CCNB3: variants seen among roughly 807,000 people sequenced by gnomAD.
The protein encoded by CCNB3 is G2/mitotic-specific cyclin-B3.
In CCNB3, 12 loss-of-function variants were observed where a neutral mutation model predicts 68.0. The ratio of observed to expected loss-of-function variants is 0.18; its 90% CI spans 0.11 to 0.29. CCNB3 has a LOEUF of 0.29. Ranked by LOEUF, CCNB3 falls within the 10% of genes least tolerant of loss-of-function variation. The pLI, the probability that CCNB3 is intolerant of heterozygous loss-of-function variation, is 1.00. For missense variants in CCNB3, 904 were observed against 993.1 expected, an observed-to-expected ratio of 0.91 and a Z score of 1.21; for synonymous variants, 354 against 388.9, an observed-to-expected ratio of 0.91 and a Z score of 1.06.
chrX:50,314,122 G>A (rs1047437512), intron 8 of CCNB3, among the ~76,000 whole-genome samples, 174 bp downstream of exon 8: 11 of 112,455 alleles, frequency 9.8e-5, no homozygotes, highest in African/African-American at 3.2e-4. Flanking sequence ...ACAAATAAGT[G>A]TAATACAAAG....
chrX:50,333,849 T>C (rs1238363407), intron 8 of CCNB3, among the ~76,000 whole-genome samples: 1 of 111,300 alleles, frequency 9.0e-6, no homozygotes, highest in Non-Finnish European at 1.9e-5. Flanking sequence ...CTCGCTGGTG[T>C]CCCCTGCAGT....
intron 1 of CCNB3, among the ~76,000 whole-genome samples, chrX:50,205,681 C>T (rs1935345518): frequency 9.1e-6 from 1 of 109,920 alleles, no homozygotes; most frequent in Non-Finnish European, 1.9e-5. Context: ...AATAGCCAGG[C>T]GCAGTGGCTC....
intron 1 of CCNB3, among the ~76,000 whole-genome samples, chrX:50,210,371 A>T (rs1349272069): frequency 1.8e-5 from 2 of 112,225 alleles, no homozygotes; most frequent in African/African-American, 6.5e-5. Flanking sequence ...TGTTTAAAAA[A>T]TTTTGGAAAA....
rs1483285748 is a variant in CCNB3, at chrX:50,351,784, C to T, written c.*81C>T. 1.4e-6 allele frequency: 1 copy of T among 690,220 alleles called. No individual in the cohort carries two copies. The allele number at this position is 690,220 out of a possible 1,213,427, so 56.9% of individuals were successfully genotyped here. On this transcript the variant is annotated 3_prime_UTR_variant, in exon 13 of 13. Transcript: ENST00000376042. ...AATTTGTCTTTTGATCGCTTTTATT[C>T]ATTTTTCCTTTCTTTGTCTTTTCCC...
chrX:50,284,700 C>G (rs1294190011), intron 2 of CCNB3, 84 bp downstream of exon 2: 1 of 126,382 alleles, frequency 7.9e-6, no homozygotes, highest in Non-Finnish European at 1.6e-5. Flanking sequence ...GCTCTACCAG[C>G]TTGCCTCCAT....
chrX:50,290,735 C>G (rs923769204), intron 4 of CCNB3, among the ~76,000 whole-genome samples: 18 of 111,315 alleles, frequency 1.6e-4, no homozygotes, highest in Non-Finnish European at 3.0e-4. Flanking sequence ...GGCCATATCC[C>G]CATGGGGTTA....
rs782316175 is a variant in CCNB3 at position 50,301,892 on chromosome X, T to C, written c.336-6613T>C. Among the ~76,000 whole-genome samples the C allele has an allele frequency of 5.9e-3, 661 of 112,606 alleles. 7 individuals carry two copies. Among genetic ancestry groups the C allele is most frequent in the African/African-American group, 0.02 (619 of 31,041 alleles). On this transcript the variant is annotated intron_variant, in intron 5 of 12. Transcript: ENST00000376042. ...GCAGTTTGATCTCAGACTGCTGTGC[T>C]AGCAATAAGCGAGGCTCTGTGGGCA...
At chrX:50,214,475 CATATAT>C (rs1184201216) in intron 1 of CCNB3, among the ~76,000 whole-genome samples, 231 of 9,488 alleles carry the variant, frequency 0.024, 20 homozygotes, top group East Asian at 0.1. Flanking sequence ...AGCTGTGGCC[CATATAT>C]ATATATATAT....
intron 1 of CCNB3, among the ~76,000 whole-genome samples, chrX:50,228,250 A>AATAC (rs1386436560): frequency 0.11 from 10,056 of 89,169 alleles, 1,487 homozygotes; most frequent in African/African-American, 0.39. Flanking sequence ...AATATATATA[A>AATAC]ATACATAGAA....
chrX:50,279,335 GAA>G (rs1157576955), intron 1 of CCNB3, among the ~76,000 whole-genome samples: 11 of 68,646 alleles, frequency 1.6e-4, no homozygotes, highest in Non-Finnish European at 2.5e-4. Context: ...AAATATATAT[GAA>G]TATATATATG....
At position 50,309,038 on chromosome X, in the gene CCNB3, G is replaced by A. The variant is rs1557214039; in HGVS notation, c.869G>A (p.Cys290Tyr). ...THKLSSLKKKCTIYGKICHFR... is the reference protein window; with the variant it reads ...THKLSSLKKKYTIYGKICHFR... ...AAGTTATCATCTTTAAAGAAGAAAT[G>A]TACCATTTATGGGAAGATATGCCAC... Residue 290 changes from cysteine to tyrosine, a missense_variant, in exon 6 of 13, where the codon TGT becomes TAT. By Grantham distance (194) the Cys-to-Tyr change is radical. Coordinates refer to ENST00000376042, the MANE Select transcript of CCNB3 (RefSeq NM_033031.3). The A allele has an allele frequency of 2.5e-6, 3 of 1,211,121 alleles. No individual in the cohort carries two copies. Among genetic ancestry groups the A allele is most frequent in the Admixed American group, 4.3e-5 (2 of 45,986 alleles).
chrX:50,320,657 A>G (rs1921967681), intron 8 of CCNB3, among the ~76,000 whole-genome samples: 1 of 110,123 alleles, frequency 9.1e-6, no homozygotes, highest in Non-Finnish European at 1.9e-5. Context: ...CTTCTTGCTT[A>G]TGGTTTAATT....
At position 50,347,618 on chromosome X, in the gene CCNB3, G is replaced by A. The variant is rs782471014; in HGVS notation, c.3811-8G>A. 2 of 1,202,764 alleles carry A rather than the reference G, an allele frequency of 1.7e-6. No homozygotes were observed. The highest frequency in any genetic ancestry group is 5.9e-5 in the East Asian group (2 of 33,620). On this transcript the variant is annotated splice_polypyrimidine_tract_variant and splice_region_variant and intron_variant, in intron 10 of 12. Transcript: ENST00000376042. ...TGATTTCTGAGCCAGTCTTCTCATT[G>A]CCTTTAGTGTATCCACACCAACATG...
At chrX:50,328,366 G>T (rs1284202372) in intron 8 of CCNB3, among the ~76,000 whole-genome samples, 1 of 112,352 alleles carries the variant, frequency 8.9e-6, no homozygotes, top group South Asian at 3.7e-4. Flanking sequence ...TTCTGGGGAG[G>T]CCTCATGGAG....
At chrX:50,341,654 A>T (rs1443440700) in intron 8 of CCNB3, 2 of 110,842 alleles carry the variant, frequency 1.8e-5, no homozygotes, top group Non-Finnish European at 3.8e-5. Context: ...AAATCAGAAA[A>T]GAAAAAGAAG....
At chrX:50,349,578 A>G (rs139361505) in intron 11 of CCNB3, among the ~76,000 whole-genome samples, 232 of 112,357 alleles carry the variant, frequency 2.1e-3, no homozygotes, top group African/African-American at 6.4e-3. Context: ...GTCTGAACTG[A>G]CACAGTGGCA....
chrX:50,281,757 G>T (rs898597480), intron 1 of CCNB3, among the ~76,000 whole-genome samples: 6 of 111,631 alleles, frequency 5.4e-5, no homozygotes, highest in African/African-American at 1.6e-4. Context: ...AAGTGAAAGT[G>T]TGCAGGATTA....
At chrX:50,296,129 T>TTTA (rs1186543091) in intron 5 of CCNB3, among the ~76,000 whole-genome samples, 5 of 110,593 alleles carry the variant, frequency 4.5e-5, no homozygotes, top group East Asian at 5.6e-4. Context: ...TCTTTGTTTT[T>TTTA]TTATTATTAT....
intron 1 of CCNB3, among the ~76,000 whole-genome samples, chrX:50,218,479 T>C (rs1935616416): frequency 2.7e-5 from 3 of 111,332 alleles, no homozygotes; most frequent in Non-Finnish European, 5.7e-5. Context: ...CCCCTCACTG[T>C]GTCCATGTGT....
Sources: gnomAD v4.1 joint callset for allele counts (sites outside exome capture counted in the v4.1 genomes callset) on GRCh38, gnomAD v4.1.1 for gene constraint, MANE v1.5 for transcripts, NCBI Gene and HGNC (gene_info 2026-07-23, HGNC 2026-07-21) for gene names.